The following VRK2 variants were observed in gnomAD, a reference collection of about 807,000 sequenced individuals.
VRK2 encodes serine/threonine-protein kinase VRK2.
Under a neutral mutation model 57.6 loss-of-function variants are expected in VRK2, and 60 were observed. That is an observed-to-expected ratio of 1.04 (90% confidence interval 0.85 to 1.29). The LOEUF (loss-of-function observed/expected upper bound fraction) is 1.29, where lower values mean the gene tolerates loss of function less well. Among genes scored for constraint, VRK2 ranks in the 50% most tolerant of loss-of-function variants. The probability of loss-of-function intolerance (pLI) is 0.00; values close to 1 mark genes in which losing one functional copy is unlikely to be tolerated. For synonymous variants in VRK2, 231 were observed against 199.2 expected (o/e 1.16, Z -1.35); for missense variants, 705 against 588.1 (o/e 1.20, Z -2.06).
At chr2:58,101,235 A>G (rs1419593382) in intron 7 of VRK2, among the ~76,000 whole-genome samples, 2 of 151,774 alleles carry the variant, frequency 1.3e-5, no homozygotes, top group African/African-American at 4.8e-5. Flanking sequence ...CTGCAGAACA[A>G]TGTGATTTTT....
At chr2:57,943,124 A>G (rs1020836867) in intron 1 of VRK2, among the ~76,000 whole-genome samples, 1 of 152,184 alleles carries the variant, frequency 6.6e-6, no homozygotes. Flanking sequence ...ATCCTACTGC[A>G]TATAGTAGCT....
At chr2:58,084,048 A>G (rs1258385379) in intron 2 of VRK2, 41 bp from the exon 3 acceptor site, 1 of 1,597,316 alleles carries the variant, frequency 6.3e-7, no homozygotes, top group Non-Finnish European at 8.5e-7. Flanking sequence ...AGTAATTGGG[A>G]ATAACTATTT....
chr2:58,099,419 A>G (rs1673637931), intron 7 of VRK2, among the ~76,000 whole-genome samples: 1 of 152,114 alleles, frequency 6.6e-6, no homozygotes, highest in East Asian at 1.9e-4. Context: ...ATTCTGAACT[A>G]GAATGAACTC....
At chr2:58,093,554 C>A (rs959200384) in intron 7 of VRK2, among the ~76,000 whole-genome samples, 2 of 152,084 alleles carry the variant, frequency 1.3e-5, no homozygotes, top group Non-Finnish European at 2.9e-5. Flanking sequence ...TTTGTAGATT[C>A]TGGATATTAG....
intron 1 of VRK2, among the ~76,000 whole-genome samples, chr2:57,997,751 A>G (rs1390035937): frequency 6.6e-6 from 1 of 152,114 alleles, no homozygotes; most frequent in Non-Finnish European, 1.5e-5. Flanking sequence ...AAAATTAGCC[A>G]GGCAATGGTG....
chr2:58,115,511 C>G, intron 7 of VRK2, among the ~76,000 whole-genome samples: 1 of 151,816 alleles, frequency 6.6e-6, no homozygotes, highest in Non-Finnish European at 1.5e-5. Flanking sequence ...CCGCTGCATG[C>G]AGACATGAGG....
chr2:58,034,551 C>T (rs1674214159), intron 3 of VRK2, among the ~76,000 whole-genome samples: 1 of 151,938 alleles, frequency 6.6e-6, no homozygotes, highest in African/African-American at 2.4e-5. Flanking sequence ...TTTAAGAAGG[C>T]AGGGATGGTT....
chr2:58,159,899 A>G, downstream of VRK2: 1 of 1,558,316 alleles, frequency 6.4e-7, no homozygotes, highest in Non-Finnish European at 8.7e-7. Flanking sequence ...GTCATAGTAC[A>G]GTTTGGAAAA....
intron 1 of VRK2, among the ~76,000 whole-genome samples, chr2:57,993,086 A>C (rs1327057879): frequency 6.6e-6 from 1 of 152,226 alleles, no homozygotes; most frequent in Non-Finnish European, 1.5e-5. Flanking sequence ...ATTACTTAGA[A>C]GAGTAACTGG....
At chr2:58,045,875 C>G (rs968355608), upstream of VRK2, among the ~76,000 whole-genome samples, 7 of 152,046 alleles carry the variant, frequency 4.6e-5, no homozygotes, top group East Asian at 1.9e-4. Flanking sequence ...CTGAGTTTCC[C>G]TCTTGCTGCC....
chr2:58,059,697 A>T (rs953253471), intron 2 of VRK2, among the ~76,000 whole-genome samples: 1 of 151,848 alleles, frequency 6.6e-6, no homozygotes, highest in Admixed American at 6.6e-5. Flanking sequence ...AATGATTATT[A>T]TATACTCAAG....
intron 2 of VRK2, among the ~76,000 whole-genome samples, chr2:58,049,690 C>T (rs1336178994): frequency 6.6e-6 from 1 of 152,014 alleles, no homozygotes; most frequent in Non-Finnish European, 1.5e-5. Flanking sequence ...TAAAAATATA[C>T]CCTCAAGGAT....
At chr2:58,114,088 A>G (rs968385402) in intron 7 of VRK2, among the ~76,000 whole-genome samples, 3 of 152,110 alleles carry the variant, frequency 2.0e-5, no homozygotes, top group Non-Finnish European at 4.4e-5. Flanking sequence ...CATTTGTCAT[A>G]TAGAATGATT....
At chr2:57,963,303 C>A (rs1671815813) in intron 1 of VRK2, among the ~76,000 whole-genome samples, 1 of 152,160 alleles carries the variant, frequency 6.6e-6, no homozygotes, top group African/African-American at 2.4e-5. Flanking sequence ...TAAAAGAAAT[C>A]AGAATTTGTG....
chr2:58,110,308 A>G (rs947333365), intron 7 of VRK2, among the ~76,000 whole-genome samples: 1 of 152,240 alleles, frequency 6.6e-6, no homozygotes, highest in African/African-American at 2.4e-5. Flanking sequence ...ACAGAAAGCA[A>G]TCATTTATTT....
intron 3 of VRK2, among the ~76,000 whole-genome samples, chr2:58,039,402 C>T (rs1396094752): frequency 6.6e-6 from 1 of 152,182 alleles, no homozygotes; most frequent in Non-Finnish European, 1.5e-5. Context: ...ATATTCCTCT[C>T]TCCTTATTCC....
Position 58,135,200 on chromosome 2 carries a change from G to A in VRK2, c.856+1G>A, listed in dbSNP as rs746763789. 17 of 1,614,004 alleles carry A rather than the reference G, an allele frequency of 1.1e-5. No individual in the cohort carries two copies. Among genetic ancestry groups the A allele is most frequent in the Middle Eastern group, 1.6e-4 (1 of 6,082 alleles). On this transcript the variant is annotated splice_donor_variant, in intron 10 of 12. Coordinates refer to ENST00000340157, the MANE Select transcript of VRK2 (RefSeq NM_006296.7). LOFTEE classifies it high-confidence loss of function. Reference sequence around the variant, plus strand: ...TGGGCTCCTTCTGGAAGCAGTTGCTGTAAGTCAAATAATAACTTCAACCTT... The same window carrying A: ...TGGGCTCCTTCTGGAAGCAGTTGCTATAAGTCAAATAATAACTTCAACCTT...
intron 1 of VRK2, among the ~76,000 whole-genome samples, chr2:57,989,994 T>C (rs1672712902): frequency 1.3e-5 from 2 of 152,156 alleles, no homozygotes; most frequent in East Asian, 1.9e-4. Flanking sequence ...AAGGAAAAGA[T>C]GTGAAATGTT....
intron 1 of VRK2, among the ~76,000 whole-genome samples, chr2:57,978,645 T>TTA (rs1553370539): frequency 6.6e-6 from 1 of 150,682 alleles, no homozygotes; most frequent in Non-Finnish European, 1.5e-5. Flanking sequence ...CTTTTTTTTT[T>TTA]TATATATTGG....
Sources: gnomAD v4.1 joint callset for allele counts (sites outside exome capture counted in the v4.1 genomes callset) on GRCh38, gnomAD v4.1.1 for gene constraint, MANE v1.5 for transcripts, NCBI Gene and HGNC (gene_info 2026-07-23, HGNC 2026-07-21) for gene names.